TOP3B: variants seen among roughly 807,000 people sequenced by gnomAD.
The protein encoded by TOP3B is DNA topoisomerase 3-beta-1.
TOP3B carries 45 observed loss-of-function variants against 93.9 expected under a neutral mutation model. The observed-to-expected ratio is 0.48, with a 90% CI of 0.38 to 0.61. The LOEUF is 0.61. Ranked by LOEUF, TOP3B falls within the 20% of genes least tolerant of loss-of-function variation. The pLI is 0.00. For missense variants in TOP3B, 750 were observed against 1,156.1 expected (o/e 0.65, Z 5.09); for synonymous variants, 357 against 472.6 (o/e 0.76, Z 3.17).
In TOP3B at chr22:21,963,550, C is replaced by T. The variant is rs1021466860; in HGVS notation, c.1204+373G>A. 3.5e-6 allele frequency: 1 copy of T among 285,106 alleles called. No individual in the cohort carries two copies. The highest frequency in any genetic ancestry group is 6.7e-6 in the Non-Finnish European group (1 of 148,446). The allele number at this position is 285,106 out of a possible 1,614,324, so 17.7% of individuals were successfully genotyped here. A position where few individuals can be genotyped will look rare whatever the true frequency, so the allele number is the denominator to read the frequency against. ...GACTGTCCACAGGTGGCTCCTGTCTCTACCTGCACTGCTCTCCCTTCCTCA... is the reference window on the plus strand; with the variant it reads ...GACTGTCCACAGGTGGCTCCTGTCTTTACCTGCACTGCTCTCCCTTCCTCA... On this transcript the variant is annotated intron_variant, in intron 11 of 17. Coordinates refer to ENST00000357179, the MANE Select transcript of TOP3B (RefSeq NM_001282112.2). This position sits in a 1 kb window ranked among gnomAD's most constrained non-coding sequence, Gnocchi z 4.8.
intron 14 of TOP3B, 149 bp downstream of exon 14, chr22:21,960,172 G>T: frequency 8.2e-7 from 1 of 1,224,448 alleles, no homozygotes; most frequent in Non-Finnish European, 1.2e-6. Context: ...TCCTGGGGCA[G>T]CACCCCTTCA....
Position 21,959,147 on chromosome 22 carries a change from G to A in TOP3B, c.1890C>T (p.Phe630=), listed in dbSNP as rs753575702. 1.5e-5 allele frequency: 24 copies of A among 1,613,842 alleles called. No individual in the cohort carries two copies. In the South Asian group the frequency reaches 2.5e-4, roughly 17 times the overall value. The change falls in exon 16 of 18, where the codon TTC becomes TTT. Residue 630 remains phenylalanine (F), a synonymous_variant. Transcript: ENST00000357179. The part of the protein sequence containing the change: ...PLSRCGKCHR[F]MKYIQAKPSR... Reference sequence around the variant, plus strand: ...CTGCACCTACCTGGATGTACTTCATGAAGCGGTGGCACTTCCCACAGCGTG... The same window carrying A: ...CTGCACCTACCTGGATGTACTTCATAAAGCGGTGGCACTTCCCACAGCGTG...
chr22:21,963,853 T>C lies in TOP3B; in HGVS notation c.1204+70A>G. On this transcript the variant is annotated intron_variant, in intron 11 of 17. Transcript: ENST00000357179. This position sits in a 1 kb window ranked among gnomAD's most constrained non-coding sequence, Gnocchi z 4.8. Reference sequence around the variant, plus strand: ...GAGCCCCCACATTGCCAACAGGGCCTGCAACCTTCACTGTCGCAGCTCGCC... The same window carrying C: ...GAGCCCCCACATTGCCAACAGGGCCCGCAACCTTCACTGTCGCAGCTCGCC... The C allele has an allele frequency of 2.6e-6, 4 of 1,545,064 alleles. No homozygotes were observed. In the East Asian group the frequency reaches 9.0e-5, roughly 35 times the overall value.
chr22:21,964,408 C>T (rs967617582), intron 9 of TOP3B, 93 bp from the exon 10 acceptor site: 29 of 1,497,472 alleles, frequency 1.9e-5, no homozygotes, highest in South Asian at 8.3e-5. Context: ...CCATTGTGGC[C>T]GGCCCCTCCT....
intron 1 of TOP3B, among the ~76,000 whole-genome samples, chr22:21,979,218 G>C (rs2084562344): frequency 6.6e-6 from 1 of 152,056 alleles, no homozygotes; most frequent in Non-Finnish European, 1.5e-5. Flanking sequence ...TGAGTTGGGT[G>C]AAGAGGGAGG....
At chr22:21,965,441 G>T in intron 8 of TOP3B, 66 bp from the exon 9 acceptor site, 1 of 1,065,332 alleles carries the variant, frequency 9.4e-7, no homozygotes, top group Non-Finnish European at 1.4e-6. Context: ...GAATCAAGAT[G>T]TGTGGACGAA....
intron 3 of TOP3B, 70 bp downstream of exon 3, chr22:21,974,287 G>C: frequency 6.5e-7 from 1 of 1,547,896 alleles, no homozygotes; most frequent in Non-Finnish European, 8.8e-7. Context: ...GGCATCTCCT[G>C]GCTTCAACTG....
At chr22:21,958,268 G>T in intron 17 of TOP3B, 2 of 1,397,126 alleles carry the variant, frequency 1.4e-6, no homozygotes, top group Non-Finnish European at 1.9e-6. Flanking sequence ...CCTGAGGGTG[G>T]ACTAGGGTTG....
chr22:21,978,229 T>C (rs947440956), intron 1 of TOP3B, among the ~76,000 whole-genome samples: 6 of 151,076 alleles, frequency 4.0e-5, no homozygotes, highest in African/African-American at 1.2e-4. Context: ...AGACCTGGGA[T>C]GGCGGGACAT....
intron 3 of TOP3B, 103 bp downstream of exon 3, chr22:21,974,254 T>A: frequency 1.4e-6 from 2 of 1,429,926 alleles, no homozygotes; most frequent in Non-Finnish European, 1.9e-6. Flanking sequence ...CTCATGGAGT[T>A]GGGACAAACT....
intron 1 of TOP3B, among the ~76,000 whole-genome samples, chr22:21,981,791 G>C (rs2084637241): frequency 6.6e-6 from 1 of 151,986 alleles, no homozygotes; most frequent in South Asian, 2.1e-4. Flanking sequence ...GTGAGACTCT[G>C]CCTGCAACAA....
intron 8 of TOP3B, 166 bp downstream of exon 8, chr22:21,967,437 G>A (rs1008640494): frequency 4.8e-6 from 3 of 621,788 alleles, no homozygotes; most frequent in South Asian, 3.8e-5. Flanking sequence ...AAATATCTTA[G>A]GAGTATATGA....
At chr22:21,960,589 G>A in intron 13 of TOP3B, 140 bp from the exon 14 acceptor site, 1 of 1,184,034 alleles carries the variant, frequency 8.4e-7, no homozygotes, top group Non-Finnish European at 1.2e-6. Context: ...GCTGTGCCCT[G>A]AGCTCCCCCT....
Position 21,963,839 on chromosome 22 carries a change from T to C in TOP3B, c.1204+84A>G, listed in dbSNP as rs1274844501. The C allele has an allele frequency of 6.9e-7, 1 of 1,450,730 alleles. No individual in the cohort carries two copies. Among genetic ancestry groups the C allele is most frequent in the African/African-American group, 1.4e-5 (1 of 71,594 alleles). 89.9% of individuals were successfully genotyped at this position (1,450,730 alleles called of 1,614,324 possible). A position where few individuals can be genotyped will look rare whatever the true frequency, so the allele number is the denominator to read the frequency against. On this transcript the variant is annotated intron_variant, in intron 11 of 17. Transcript: ENST00000357179. The surrounding 1 kb of genome is among the most constrained non-coding windows in gnomAD (Gnocchi z 4.8). Reference sequence around the variant, plus strand: ...GGCAGAGGCTGAAGGAGCCCCCACATTGCCAACAGGGCCTGCAACCTTCAC... The same window carrying C: ...GGCAGAGGCTGAAGGAGCCCCCACACTGCCAACAGGGCCTGCAACCTTCAC...
intron 1 of TOP3B, among the ~76,000 whole-genome samples, chr22:21,981,981 A>G (rs922369154): frequency 3.3e-5 from 5 of 152,182 alleles, no homozygotes; most frequent in African/African-American, 1.2e-4. Context: ...CACCATAGCT[A>G]TCAACACTAT....
Position 21,974,421 on chromosome 22 carries a change from A to G in TOP3B, c.138T>C (p.Ala46=). The change falls in exon 3 of 18, where the codon GCT becomes GCC. Residue 46 remains alanine, a synonymous_variant. Coordinates refer to ENST00000357179, the MANE Select transcript of TOP3B (RefSeq NM_001282112.2). ...CSVHEYTGTF[A]GQPVRFKMTS... ...TCATCTTGAAGCGCACTGGCTGGCC[A>G]GCAAAGGTCCCAGTGTACTCGTGGA... 1.9e-6 allele frequency: 3 copies of G among 1,614,192 alleles called. No individual in the cohort carries two copies. Among genetic ancestry groups the G allele is most frequent in the Non-Finnish European group, 2.5e-6 (3 of 1,180,010 alleles).
intron 13 of TOP3B, chr22:21,960,738 C>T (rs2071140673): frequency 7.2e-6 from 3 of 418,682 alleles, no homozygotes; most frequent in Non-Finnish European, 1.3e-5. Context: ...TCCAAGGTCA[C>T]AGTGCTTATT....
At position 21,974,449 on chromosome 22, in the gene TOP3B, G is replaced by A. The variant is rs769347499; in HGVS notation, c.110C>T (p.Ser37Leu). 1.3e-5 allele frequency: 21 copies of A among 1,613,788 alleles called. No homozygotes were observed. In the East Asian group the frequency reaches 2.9e-4, roughly 22 times the overall value. The change falls in exon 3 of 18, where the codon TCA becomes TTA. Residue 37 changes from serine (S) to leucine (L), a missense_variant. Physicochemically the swap from Ser to Leu is moderately radical, Grantham distance 145. This residue lies in a region of TOP3B where 737 missense variants were observed against 933.7 expected (regional missense o/e 0.79). Coordinates refer to ENST00000357179, the MANE Select transcript of TOP3B (RefSeq NM_001282112.2). ...AAAGGTCCCAGTGTACTCGTGGACTGAGCAGGCCCCGTTCAGCCCTTTGTG... is the reference window on the plus strand; with the variant it reads ...AAAGGTCCCAGTGTACTCGTGGACTAAGCAGGCCCCGTTCAGCCCTTTGTG... Reference protein sequence around the residue: ...SSHKGLNGACSVHEYTGTFAG... With the variant: ...SSHKGLNGACLVHEYTGTFAG...
At chr22:21,965,495 T>C in intron 8 of TOP3B, 120 bp from the exon 9 acceptor site, 1 of 503,754 alleles carries the variant, frequency 2.0e-6, no homozygotes, top group East Asian at 3.4e-5. Context: ...CTCCAATTCA[T>C]TCTTCCCAAC....
Sources: allele counts gnomAD v4.1 joint callset (sites outside exome capture counted in the v4.1 genomes callset), GRCh38; gene constraint gnomAD v4.1.1; regional missense constraint gnomAD v4.1.1; non-coding constraint Gnocchi (gnomAD v3.1); transcripts MANE v1.5; gene names NCBI Gene and HGNC (gene_info 2026-07-23, HGNC 2026-07-21).